The following ESRRB variants were observed in gnomAD, a reference collection of about 807,000 sequenced individuals.
ESRRB encodes the protein steroid hormone receptor ERR2.
ESRRB carries 16 observed loss-of-function variants against 46.0 expected under a neutral mutation model. The observed-to-expected ratio is 0.35, with a 90% confidence interval of 0.24 to 0.53. The LOEUF is 0.53. Ranked by LOEUF, ESRRB falls within the 20% of genes least tolerant of loss-of-function variation. The pLI is 0.93. For missense variants in ESRRB, 488 were observed against 607.4 expected, an observed-to-expected ratio of 0.80 and a Z score of 2.07; for synonymous variants, 246 against 259.6, an observed-to-expected ratio of 0.95 and a Z score of 0.50.
chr14:76,358,323 AAAAGAAAGAAAGAAAG>A (rs869092343), intron 1 of ESRRB, among the ~76,000 whole-genome samples: 3,369 of 52,510 alleles, frequency 0.064, 263 homozygotes, highest in East Asian at 0.082. Context: ...AAAAAAAAAA[AAAAGAAAGAAAGAAAG>A]AAAGAAAGAA....
At chr14:76,396,153 C>T (rs1029543231) in intron 1 of ESRRB, among the ~76,000 whole-genome samples, 1 of 151,702 alleles carries the variant, frequency 6.6e-6, no homozygotes, top group African/African-American at 2.4e-5. Context: ...AACCTGGTGA[C>T]AGAGTGAGAC....
intron 1 of ESRRB, among the ~76,000 whole-genome samples, chr14:76,344,834 A>AGAGT (rs201763125): frequency 0.37 from 55,650 of 149,426 alleles, 10,511 homozygotes; most frequent in Admixed American, 0.48. Context: ...CCTGGGTGAC[A>AGAGT]GAGACTCCAT....
intron 1 of ESRRB, among the ~76,000 whole-genome samples, chr14:76,366,315 C>T (rs1009592063): frequency 2.0e-4 from 30 of 152,086 alleles, no homozygotes; most frequent in African/African-American, 6.0e-4. Flanking sequence ...GCGACATATC[C>T]CTCAACACGA....
intron 1 of ESRRB, among the ~76,000 whole-genome samples, chr14:76,406,326 A>G (rs1245187567): frequency 3.3e-5 from 5 of 152,082 alleles, no homozygotes; most frequent in African/African-American, 4.8e-5. Flanking sequence ...TTGGTTCTCA[A>G]TGGTTTTCTG....
intron 3 of ESRRB, among the ~76,000 whole-genome samples, chr14:76,469,926 GTTGTTTTTTTTTTTTTTCTTTTTT>G (rs1889293253): frequency 1.5e-5 from 1 of 67,650 alleles, no homozygotes; most frequent in Non-Finnish European, 3.4e-5. Context: ...TGTGTTTTTT[GTTGTTTTTTTTTTTTTTCTTTTTT>G]TTTTTTTTTT....
chr14:76,476,232 T>C (rs1889581711), intron 3 of ESRRB, among the ~76,000 whole-genome samples: 1 of 152,154 alleles, frequency 6.6e-6, no homozygotes, highest in South Asian at 2.1e-4. Context: ...AATATTAAAA[T>C]TTTGACCTGT....
intron 2 of ESRRB, among the ~76,000 whole-genome samples, chr14:76,454,055 G>A (rs913691071): frequency 3.9e-5 from 6 of 152,196 alleles, no homozygotes; most frequent in African/African-American, 1.4e-4. Flanking sequence ...AATAGTCAGA[G>A]ATGTTGCAAG....
intron 1 of ESRRB, among the ~76,000 whole-genome samples, chr14:76,379,710 C>T (rs1884929497): frequency 6.6e-6 from 1 of 152,042 alleles, no homozygotes; most frequent in African/African-American, 2.4e-5. Context: ...CTGGAGGGCC[C>T]CGGTCCCGGG....
At chr14:76,390,931 C>A (rs546094926) in intron 1 of ESRRB, among the ~76,000 whole-genome samples, 1 of 152,288 alleles carries the variant, frequency 6.6e-6, no homozygotes, top group South Asian at 2.1e-4. Context: ...ATGCCAAGAA[C>A]AGCCAAGCTG....
chr14:76,431,612 G>A (rs1415875130), intron 1 of ESRRB, among the ~76,000 whole-genome samples: 1 of 152,128 alleles, frequency 6.6e-6, no homozygotes, highest in East Asian at 1.9e-4. Context: ...GGGAGGCCAC[G>A]TTTAATCAGA....
At chr14:76,420,863 C>T (rs565519242) in intron 1 of ESRRB, among the ~76,000 whole-genome samples, 3 of 152,144 alleles carry the variant, frequency 2.0e-5, no homozygotes, top group Non-Finnish European at 4.4e-5. Flanking sequence ...TCACACACCC[C>T]ACCTGTGCAC....
chr14:76,322,235 C>T lies in ESRRB; in HGVS notation c.2+11319C>T, dbSNP rs560096177. 2.8e-4 allele frequency among the ~76,000 whole-genome samples: 43 copies of T among 152,290 alleles called. 1 individual carries two copies. In the South Asian group the frequency reaches 8.5e-3, roughly 30 times the overall value. ...CCTTGTAAAGATGACAACACAGACA[C>T]GTCTGCCAGGTCAGCCCTCTGTTAA... On this transcript the variant is annotated intron_variant, in intron 1 of 6. Transcript: ENST00000512784.
chr14:76,340,070 G>A (rs140515007), intron 1 of ESRRB, among the ~76,000 whole-genome samples: 88 of 152,210 alleles, frequency 5.8e-4, no homozygotes, highest in Non-Finnish European at 9.6e-4. Context: ...TCTAATTACT[G>A]TGTACTGACA....
intron 2 of ESRRB, among the ~76,000 whole-genome samples, chr14:76,443,196 A>G (rs1164709550): frequency 6.6e-6 from 1 of 152,224 alleles, no homozygotes; most frequent in Non-Finnish European, 1.5e-5. Flanking sequence ...AAAACAGTAG[A>G]GCACGTTTTC....
Position 76,319,000 on chromosome 14 carries a change from G to A in ESRRB, c.2+8084G>A, listed in dbSNP as rs532080535. Among the ~76,000 whole-genome samples the A allele has an allele frequency of 1.1e-4, 17 of 152,282 alleles. No homozygotes were observed. In the South Asian group the frequency reaches 3.5e-3, roughly 32 times the overall value. On this transcript the variant is annotated intron_variant, in intron 1 of 6. Transcript: ENST00000512784. Reference sequence around the variant, plus strand: ...TGAAGGGGACTCCACTCCCATATCCGATGACCAAGTGAGCATCCTTCCATT... The same window carrying A: ...TGAAGGGGACTCCACTCCCATATCCAATGACCAAGTGAGCATCCTTCCATT...
intron 2 of ESRRB, among the ~76,000 whole-genome samples, chr14:76,440,623 C>T (rs554929191): frequency 6.6e-6 from 1 of 151,734 alleles, no homozygotes; most frequent in Non-Finnish European, 1.5e-5. Context: ...TGTCTGGATC[C>T]CAGTTTGACC....
chr14:76,326,042 C>T (rs768939722), intron 1 of ESRRB, among the ~76,000 whole-genome samples: 10 of 152,200 alleles, frequency 6.6e-5, no homozygotes, highest in Non-Finnish European at 1.2e-4. Context: ...GAGTAAAGCA[C>T]CCTCACTCCA....
intron 1 of ESRRB, among the ~76,000 whole-genome samples, chr14:76,397,348 C>T (rs1362820418): frequency 6.6e-6 from 1 of 152,138 alleles, no homozygotes; most frequent in African/African-American, 2.4e-5. Flanking sequence ...GGCCAGTCCC[C>T]CAGGGCCAGT....
chr14:76,483,707 CCTT>C (rs1207926301), intron 5 of ESRRB, among the ~76,000 whole-genome samples: 1 of 152,198 alleles, frequency 6.6e-6, no homozygotes, highest in East Asian at 1.9e-4. Context: ...ATCCTTTTAT[CCTT>C]CTGGTAATGA....
Sources: gnomAD v4.1 joint callset for allele counts (sites outside exome capture counted in the v4.1 genomes callset) on GRCh38, gnomAD v4.1.1 for gene constraint, MANE v1.5 for transcripts, NCBI Gene and HGNC (gene_info 2026-07-23, HGNC 2026-07-21) for gene names.